Variants in ATP8B1 observed in about 807,000 individuals in gnomAD.
ATP8B1 encodes the protein phospholipid-transporting ATPase IC.
ATP8B1 carries 80 observed loss-of-function variants against 149.9 expected under a neutral mutation model. The ratio of observed to expected loss-of-function variants is 0.53; its 90% CI spans 0.45 to 0.64. ATP8B1 has a LOEUF of 0.64. Among genes scored for constraint, ATP8B1 ranks in the 30% least tolerant of loss-of-function variants. ATP8B1 has a pLI of 0.00. For missense variants in ATP8B1, 1,247 were observed against 1,552.6 expected, an observed-to-expected ratio of 0.80 and a Z score of 3.31; for synonymous variants, 536 against 562.8, an observed-to-expected ratio of 0.95 and a Z score of 0.67.
intron 1 of ATP8B1, among the ~76,000 whole-genome samples, chr18:57,767,682 A>G (rs1012268472): frequency 7.2e-5 from 11 of 152,084 alleles, no homozygotes; most frequent in African/African-American, 2.7e-4. Context: ...TCAGCTACTC[A>G]GGAGGCTGAG....
Position 57,674,979 on chromosome 18 carries a change from C to G in ATP8B1, c.1674G>C (p.Leu558=). 2 of 1,614,218 alleles carry G rather than the reference C, an allele frequency of 1.2e-6. No individual in the cohort carries two copies. Among genetic ancestry groups the G allele is most frequent in the Non-Finnish European group, 1.7e-6 (2 of 1,180,040 alleles). The change falls in exon 16 of 28, where the codon CTG becomes CTC. Residue 558 remains leucine, a synonymous_variant. Coordinates refer to ENST00000648908, the MANE Select transcript of ATP8B1 (RefSeq NM_001374385.1). ...YQAASPDEGA[L]VNAARNFGFA... The stretch of plus-strand genomic sequence containing the variant: ...AGCCAAAGTTCCTGGCAGCGTTTAC[C>G]AGGGCACCTTCATCGGGAGAGGCTG...
At chr18:57,708,967 G>C (rs1407188719) in intron 2 of ATP8B1, among the ~76,000 whole-genome samples, 1 of 152,148 alleles carries the variant, frequency 6.6e-6, no homozygotes, top group East Asian at 1.9e-4. Context: ...AAATGACCTT[G>C]ATCTCTTAAT....
intron 1 of ATP8B1, among the ~76,000 whole-genome samples, chr18:57,756,747 G>C (rs564323246): frequency 6.6e-6 from 1 of 151,946 alleles, no homozygotes; most frequent in East Asian, 1.9e-4. Flanking sequence ...CTCTGTTCTT[G>C]CTGGAACATC....
intron 27 of ATP8B1, among the ~76,000 whole-genome samples, chr18:57,650,000 T>C (rs987262477): frequency 6.6e-6 from 1 of 152,220 alleles, no homozygotes; most frequent in Admixed American, 6.5e-5. Flanking sequence ...CAGCTTTCTG[T>C]TCCTTGTAGC....
chr18:57,779,168 C>T (rs1039250240), intron 1 of ATP8B1, among the ~76,000 whole-genome samples: 1 of 151,772 alleles, frequency 6.6e-6, no homozygotes, highest in African/African-American at 2.4e-5. Context: ...ACAAAAAATG[C>T]AAAAATTAGC....
At chr18:57,697,501 C>G in intron 8 of ATP8B1, 117 bp downstream of exon 8, 1 of 1,025,860 alleles carries the variant, frequency 9.7e-7, no homozygotes, top group South Asian at 1.3e-5. Flanking sequence ...GGGACAGCAG[C>G]AGGTGGCAGA....
chr18:57,785,537 G>A (rs1003971727), intron 1 of ATP8B1, among the ~76,000 whole-genome samples: 1 of 152,068 alleles, frequency 6.6e-6, no homozygotes, highest in Non-Finnish European at 1.5e-5. Flanking sequence ...ACGGAGTCTC[G>A]CTCTGTTGCC....
rs1447025654 is a variant in ATP8B1, at chr18:57,685,119, A to G, written c.1430-4T>C. The G allele has an allele frequency of 6.8e-6, 11 of 1,614,066 alleles. No homozygotes were observed. The highest frequency in any genetic ancestry group is 9.3e-6 in the Non-Finnish European group (11 of 1,180,012). ...TGAGAGGCATCCCGATGGTCCCCTG[A>G]GAAACAAACAGGACAAAACAAATTG... On this transcript the variant is annotated splice_polypyrimidine_tract_variant and splice_region_variant and intron_variant, in intron 13 of 27. Coordinates refer to ENST00000648908, the MANE Select transcript of ATP8B1 (RefSeq NM_001374385.1).
intron 12 of ATP8B1, among the ~76,000 whole-genome samples, chr18:57,690,732 A>AT (rs1197085458): frequency 6.6e-6 from 1 of 152,252 alleles, no homozygotes. Context: ...AATGCCTCTA[A>AT]TTATAGGTGT....
chr18:57,651,560 T>C (rs1909621378), intron 26 of ATP8B1, among the ~76,000 whole-genome samples: 1 of 152,216 alleles, frequency 6.6e-6, no homozygotes, highest in African/African-American at 2.4e-5. Flanking sequence ...ACCATCACCA[T>C]TTAATTTCCA....
rs1322220838 is a variant in ATP8B1 at position 57,669,375 on chromosome 18, G to A, written c.2040C>T (p.Ser680=). The change falls in exon 18 of 28, where the codon TCC becomes TCT. Residue 680 remains serine (S), a synonymous_variant. Coordinates refer to ENST00000648908, the MANE Select transcript of ATP8B1 (RefSeq NM_001374385.1). ...TATCCAGAGCTTCGTCCCGGTTGGT[G>A]GAGGCCACACTGGCAGCCATAAACT... ...NKKFMAASVA[S]TNRDEALDKV... 1.2e-6 allele frequency: 2 copies of A among 1,613,962 alleles called. No individual in the cohort carries two copies. The highest frequency in any genetic ancestry group is 1.7e-5 in the Admixed American group (1 of 60,000).
At chr18:57,685,808 G>A (rs28421331) in intron 13 of ATP8B1, among the ~76,000 whole-genome samples, 3,988 of 152,098 alleles carry the variant, frequency 0.026, 154 homozygotes, top group African/African-American at 0.091. Flanking sequence ...GTTCATACCT[G>A]TAGTCCCAGC....
At chr18:57,773,961 T>G (rs1307285950) in intron 1 of ATP8B1, among the ~76,000 whole-genome samples, 2 of 152,178 alleles carry the variant, frequency 1.3e-5, no homozygotes, top group Non-Finnish European at 2.9e-5. Context: ...GGCTGATTCT[T>G]TCCAAAGGTA....
intron 15 of ATP8B1, among the ~76,000 whole-genome samples, chr18:57,677,315 T>C (rs2122766745): frequency 6.6e-6 from 1 of 152,380 alleles, no homozygotes; most frequent in South Asian, 2.1e-4. Flanking sequence ...ACACATGTTG[T>C]ACTTCAATAA....
chr18:57,725,260 A>AG (rs2123097983), intron 2 of ATP8B1, among the ~76,000 whole-genome samples: 1 of 151,374 alleles, frequency 6.6e-6, no homozygotes, highest in East Asian at 1.9e-4. Flanking sequence ...ATAAAAAAAA[A>AG]AGAAAAAAAA....
At chr18:57,713,193 T>C (rs1366848681) in intron 2 of ATP8B1, among the ~76,000 whole-genome samples, 2 of 78,706 alleles carry the variant, frequency 2.5e-5, no homozygotes, top group African/African-American at 8.9e-5. Context: ...CTTTCTTTCT[T>C]TCTTTCCTTC....
chr18:57,749,562 T>C (rs1364256223), intron 1 of ATP8B1, among the ~76,000 whole-genome samples: 2 of 152,188 alleles, frequency 1.3e-5, no homozygotes, highest in Non-Finnish European at 2.9e-5. Flanking sequence ...ACCTGAAAAC[T>C]TACCCCCGAA....
chr18:57,732,011 A>AT, intron 1 of ATP8B1, 179 bp from the exon 2 acceptor site: 1 of 575,820 alleles, frequency 1.7e-6, no homozygotes, highest in South Asian at 2.0e-5. Context: ...TTCAGTACTG[A>AT]TTAAATGCTT....
At chr18:57,711,195 G>A (rs1913670049) in intron 2 of ATP8B1, among the ~76,000 whole-genome samples, 1 of 152,108 alleles carries the variant, frequency 6.6e-6, no homozygotes, top group African/African-American at 2.4e-5. Context: ...TATCCCCCAT[G>A]TACCTACTGC....
Sources: gnomAD v4.1 joint callset for allele counts (sites outside exome capture counted in the v4.1 genomes callset) on GRCh38, gnomAD v4.1.1 for gene constraint, MANE v1.5 for transcripts, NCBI Gene and HGNC (gene_info 2026-07-23, HGNC 2026-07-21) for gene names.